PIK3C2A: variants seen among roughly 807,000 people sequenced by gnomAD.
The protein encoded by PIK3C2A is phosphatidylinositol 4-phosphate 3-kinase C2 domain-containing subunit alpha.
A neutral mutation model predicts 204.5 loss-of-function variants in PIK3C2A; 97 were observed. The observed-to-expected ratio is 0.47, with a 90% confidence interval of 0.40 to 0.56. PIK3C2A has a LOEUF of 0.56. Ranked by LOEUF, PIK3C2A falls within the 20% of genes least tolerant of loss-of-function variation. The pLI is 0.00. For synonymous variants in PIK3C2A, 653 were observed against 664.4 expected (o/e 0.98, Z 0.26); for missense variants, 1,735 against 1,969.2 (o/e 0.88, Z 2.25).
chr11:17,206,997 A>C (rs1385274280), intron 1 of PIK3C2A, among the ~76,000 whole-genome samples: 1 of 152,222 alleles, frequency 6.6e-6, no homozygotes, highest in Non-Finnish European at 1.5e-5. Flanking sequence ...GGGCCAGTAT[A>C]GGAAAAGAAC....
chr11:17,132,550 T>C (rs1005172932), intron 11 of PIK3C2A, among the ~76,000 whole-genome samples: 12 of 151,160 alleles, frequency 7.9e-5, no homozygotes, highest in Non-Finnish European at 1.3e-4. Flanking sequence ...AGGATGGTCT[T>C]GATCTCCTGA....
At chr11:17,179,952 T>C (rs573872500) in intron 1 of PIK3C2A, among the ~76,000 whole-genome samples, 2 of 152,200 alleles carry the variant, frequency 1.3e-5, no homozygotes, top group African/African-American at 4.8e-5. Context: ...CAAGACAACA[T>C]AGAATTGCTT....
At chr11:17,136,443 T>A (rs1013137446) in intron 9 of PIK3C2A, 39 bp downstream of exon 9, 1 of 1,488,888 alleles carries the variant, frequency 6.7e-7, no homozygotes, top group South Asian at 1.2e-5. Context: ...TAAGTACATA[T>A]TTGCATGTAA....
At chr11:17,123,376 G>A (rs1334462044) in intron 13 of PIK3C2A, among the ~76,000 whole-genome samples, 5 of 151,126 alleles carry the variant, frequency 3.3e-5, no homozygotes, top group Non-Finnish European at 5.9e-5. Flanking sequence ...AGCCTCCCAA[G>A]TAGCTAGGAC....
chr11:17,189,040 G>A (rs530872436), intron 1 of PIK3C2A, among the ~76,000 whole-genome samples: 3 of 146,804 alleles, frequency 2.0e-5, no homozygotes, highest in African/African-American at 5.5e-5. Flanking sequence ...ACCTCCCAGC[G>A]ACCTAAAAAG....
intron 9 of PIK3C2A, among the ~76,000 whole-genome samples, chr11:17,136,227 T>C (rs573977127): frequency 6.6e-6 from 1 of 152,286 alleles, no homozygotes; most frequent in Admixed American, 6.5e-5. Flanking sequence ...AACCAACTCA[T>C]TTATGCCAGA....
intron 21 of PIK3C2A, among the ~76,000 whole-genome samples, chr11:17,112,220 G>C (rs1344606234): frequency 6.6e-6 from 1 of 152,162 alleles, no homozygotes; most frequent in Non-Finnish European, 1.5e-5. Context: ...GGGAGGCCGA[G>C]GTGGGTGGAT....
intron 1 of PIK3C2A, among the ~76,000 whole-genome samples, chr11:17,182,335 G>A (rs1005702562): frequency 6.6e-6 from 1 of 151,944 alleles, no homozygotes; most frequent in Non-Finnish European, 1.5e-5. Context: ...AACACATTGG[G>A]AGGCTGAGAC....
At chr11:17,193,336 T>C (rs909639162) in intron 1 of PIK3C2A, among the ~76,000 whole-genome samples, 8 of 152,352 alleles carry the variant, frequency 5.3e-5, no homozygotes, top group African/African-American at 1.7e-4. Context: ...CCCTGAAGAA[T>C]ATTTCCTTAG....
rs779579560 is a variant in PIK3C2A at position 17,145,667 on chromosome 11, C to T, written c.1704+1G>A. On this transcript the variant is annotated splice_donor_variant, in intron 8 of 32. Transcript: ENST00000691414. LOFTEE classifies it high-confidence loss of function. ...ATGCCAAAATGTGAATTAAGACTTA[C>T]TTCAATTTGAAGAGCCAGTTCTACT... is the stretch of plus-strand genomic sequence containing the variant. 11 of 1,580,558 alleles carry T rather than the reference C, an allele frequency of 7.0e-6. No homozygotes were observed. The highest frequency in any genetic ancestry group is 4.3e-6 in the Non-Finnish European group (5 of 1,152,266).
At chr11:17,115,990 T>C (rs1849173908) in intron 19 of PIK3C2A, among the ~76,000 whole-genome samples, 1 of 152,152 alleles carries the variant, frequency 6.6e-6, no homozygotes, top group Non-Finnish European at 1.5e-5. Flanking sequence ...TAATGATGGA[T>C]TCTTAGATAT....
At chr11:17,162,339 T>TAAAAAA (rs1160583333) in intron 2 of PIK3C2A, among the ~76,000 whole-genome samples, 3 of 131,800 alleles carry the variant, frequency 2.3e-5, no homozygotes, top group Admixed American at 7.7e-5. Context: ...AGACTCCATC[T>TAAAAAA]AAAAAAAAAA....
intron 28 of PIK3C2A, among the ~76,000 whole-genome samples, chr11:17,092,842 CAAAA>C (rs1029524503): frequency 2.2e-4 from 34 of 151,988 alleles, no homozygotes; most frequent in African/African-American, 8.2e-4. Context: ...AAAGTAATGG[CAAAA>C]AACGCAATTA....
Position 17,110,464 on chromosome 11 carries a change from A to T in PIK3C2A, c.3512T>A (p.Ile1171Asn), listed in dbSNP as rs1480166890. 1.2e-6 allele frequency: 2 copies of T among 1,611,954 alleles called. No individual in the cohort carries two copies. Among genetic ancestry groups the T allele is most frequent in the South Asian group, 2.2e-5 (2 of 90,832 alleles). ...TCTGCCAGTTGAGAGACATTTGAAA[A>T]TTACCATCCTCAGATCTAGTCCTTC... ...LKEGLDLRMV[I>N]FKCLSTGRDR... Residue 1171 changes from isoleucine to asparagine, a missense_variant, in exon 22 of 33, where the codon ATT (isoleucine) becomes AAT (asparagine). Physicochemically the swap from Ile to Asn is moderately radical, Grantham distance 149. Transcript: ENST00000691414.
chr11:17,207,549 G>A (rs1282703064), intron 1 of PIK3C2A, among the ~76,000 whole-genome samples: 1 of 152,196 alleles, frequency 6.6e-6, no homozygotes, highest in African/African-American at 2.4e-5. Context: ...CCTTCTGTGG[G>A]ACAAAACTAA....
At chr11:17,094,437 T>C in intron 27 of PIK3C2A, 52 bp from the exon 28 acceptor site, 1 of 1,512,166 alleles carries the variant, frequency 6.6e-7, no homozygotes, top group Non-Finnish European at 9.1e-7. Flanking sequence ...AAAACCTTCT[T>C]TCCAGGCCGG....
intron 4 of PIK3C2A, among the ~76,000 whole-genome samples, chr11:17,149,483 C>G (rs764737022): frequency 6.6e-6 from 1 of 152,272 alleles, no homozygotes; most frequent in African/African-American, 2.4e-5. Flanking sequence ...CAATCCCCCA[C>G]AGATGATATT....
intron 1 of PIK3C2A, among the ~76,000 whole-genome samples, chr11:17,173,272 C>T (rs12225195): frequency 0.057 from 8,744 of 152,218 alleles, 843 homozygotes; most frequent in East Asian, 0.42. Context: ...ATAGAACTGG[C>T]CATTTCTACC....
chr11:17,126,205 G>C (rs939104440), intron 13 of PIK3C2A, among the ~76,000 whole-genome samples: 7 of 152,130 alleles, frequency 4.6e-5, no homozygotes, highest in African/African-American at 1.4e-4. Flanking sequence ...AGGAAAGACA[G>C]GTTAACTGCT....
Sources: gnomAD v4.1 joint callset for allele counts (sites outside exome capture counted in the v4.1 genomes callset) on GRCh38, gnomAD v4.1.1 for gene constraint, MANE v1.5 for transcripts, NCBI Gene and HGNC (gene_info 2026-07-23, HGNC 2026-07-21) for gene names.